The following KIAA1549L variants were observed in gnomAD, a reference collection of about 807,000 sequenced individuals.
KIAA1549L encodes KIAA1549 like.
Under a neutral mutation model 160.7 loss-of-function variants are expected in KIAA1549L, and 88 were observed. The observed-to-expected ratio is 0.55, with a 90% CI of 0.46 to 0.65. KIAA1549L has a LOEUF of 0.65. KIAA1549L is among the 30% of genes least tolerant of loss of function. KIAA1549L has a pLI of 0.00. For missense variants in KIAA1549L, 2,258 were observed against 2,437.5 expected (o/e 0.93, Z 1.55); for synonymous variants, 950 against 976.7 (o/e 0.97, Z 0.51).
intron 19 of KIAA1549L, 64 bp from the exon 20 acceptor site, chr11:33,660,799 T>C (rs1590459484): frequency 6.5e-7 from 1 of 1,538,924 alleles, no homozygotes; most frequent in Non-Finnish European, 8.9e-7. Flanking sequence ...TATTTGGCTC[T>C]TGGGTGGCTG....
intron 1 of KIAA1549L, among the ~76,000 whole-genome samples, chr11:33,413,095 A>G (rs1850815628): frequency 6.6e-6 from 1 of 152,108 alleles, no homozygotes; most frequent in Non-Finnish European, 1.5e-5. Flanking sequence ...CTGTACTTAA[A>G]AGCATTTTAC....
In KIAA1549L at chr11:33,630,669, C is replaced by T. The variant is rs886470779; in HGVS notation, c.5409+12007C>T. On this transcript the variant is annotated intron_variant, in intron 16 of 20. Coordinates refer to ENST00000658780, the MANE Select transcript of KIAA1549L (RefSeq NM_012194.3). ...CATGGTGCGTGCACCCAGTGACCTG[C>T]GCCCACTGTCTGGCACTCCCTAGTG... 1.9e-4 allele frequency among the ~76,000 whole-genome samples: 29 copies of T among 152,206 alleles called. 1 individual carries two copies. The highest frequency in any genetic ancestry group is 6.3e-4 in the African/African-American group (26 of 41,464).
chr11:33,666,541 A>G lies in KIAA1549L; in HGVS notation c.6160-1332A>G, dbSNP rs1310242917. 3.9e-5 allele frequency among the ~76,000 whole-genome samples: 6 copies of G among 152,180 alleles called. No individual in the cohort carries two copies. The East Asian group carries it at 9.7e-4, about 24-fold the overall frequency. ...TCTGTTGTCTGTGGGTGCTTATTCTATAGTGTTCCAATTAACATCATGGGG... is the reference window on the plus strand; with the variant it reads ...TCTGTTGTCTGTGGGTGCTTATTCTGTAGTGTTCCAATTAACATCATGGGG... On this transcript the variant is annotated intron_variant, in intron 20 of 20. Coordinates refer to ENST00000658780, the MANE Select transcript of KIAA1549L (RefSeq NM_012194.3).
intron 1 of KIAA1549L, among the ~76,000 whole-genome samples, chr11:33,448,779 A>G (rs1851665805): frequency 1.3e-5 from 2 of 152,210 alleles, no homozygotes; most frequent in Non-Finnish European, 1.5e-5. Flanking sequence ...CAAGTACTGC[A>G]TTTGTGAAAT....
In KIAA1549L at chr11:33,592,858, C is replaced by T. The variant is rs79991428; in HGVS notation, c.4751+1437C>T. On this transcript the variant is annotated intron_variant, in intron 12 of 20. Transcript: ENST00000658780. ...AAAGACCTGATTGAGGTATAAACCA[C>T]GAGGTTATCTGCAGGAGGAATGTAC... Among the ~76,000 whole-genome samples, 939 of 152,234 alleles carry T rather than the reference C, an allele frequency of 6.2e-3. 14 individuals are homozygous for T. The highest frequency in any genetic ancestry group is 0.021 in the African/African-American group (888 of 41,534).
intron 1 of KIAA1549L, among the ~76,000 whole-genome samples, chr11:33,499,082 G>A (rs2615939): frequency 0.72 from 109,263 of 151,898 alleles, 39,951 homozygotes; most frequent in African/African-American, 0.86. Context: ...TGAACAATTA[G>A]AATACAAATC....
chr11:33,659,759 G>GT (rs761719992), intron 19 of KIAA1549L, among the ~76,000 whole-genome samples: 2 of 152,236 alleles, frequency 1.3e-5, no homozygotes, highest in Non-Finnish European at 1.5e-5. Context: ...CCACCAAGGT[G>GT]TTATTTCCTC....
chr11:33,539,541 C>T (rs1590321672), intron 1 of KIAA1549L, among the ~76,000 whole-genome samples: 1 of 152,328 alleles, frequency 6.6e-6, no homozygotes, highest in East Asian at 1.9e-4. Context: ...GGGATGCAGG[C>T]TGGTGAACCA....
intron 1 of KIAA1549L, among the ~76,000 whole-genome samples, chr11:33,459,553 A>G (rs987194891): frequency 6.6e-6 from 1 of 152,174 alleles, no homozygotes; most frequent in Non-Finnish European, 1.5e-5. Context: ...TTGTCACTAT[A>G]AAAGGAGTGA....
chr11:33,645,886 C>T lies in KIAA1549L; in HGVS notation c.5610C>T (p.Ser1870=), dbSNP rs762030528. Residue 1870 remains serine (S), a synonymous_variant, in exon 17 of 21, where the codon AGC becomes AGT. Coordinates refer to ENST00000658780, the MANE Select transcript of KIAA1549L (RefSeq NM_012194.3). ...CATCCGCGGGCCACGCAGGCCAGAG[C>T]CGGCACCAAGAGGCCTACGGCTCAG... ...SLASAGHAGQ[S]RHQEAYGSAQ... 4.3e-6 allele frequency: 7 copies of T among 1,613,602 alleles called. No individual in the cohort carries two copies.
intron 1 of KIAA1549L, among the ~76,000 whole-genome samples, chr11:33,468,527 A>G (rs1468711458): frequency 2.0e-5 from 3 of 152,238 alleles, no homozygotes; most frequent in Non-Finnish European, 4.4e-5. Flanking sequence ...CTGCAGGTCT[A>G]TCACTGTCGA....
At chr11:33,552,653 AACACACACACACACACACAC>A (rs761358417) in intron 6 of KIAA1549L, among the ~76,000 whole-genome samples, 90 of 131,518 alleles carry the variant, frequency 6.8e-4, no homozygotes, top group African/African-American at 2.1e-3. Context: ...GACACATGCC[AACACACACACACACACACAC>A]ACACACACAC....
At chr11:33,425,931 A>G (rs1851107012) in intron 1 of KIAA1549L, among the ~76,000 whole-genome samples, 1 of 152,228 alleles carries the variant, frequency 6.6e-6, no homozygotes, top group African/African-American at 2.4e-5. Context: ...AATTAAGGGC[A>G]GTTCTACAAA....
At position 33,668,502 on chromosome 11, in the gene KIAA1549L, G is replaced by A. The variant is rs554660942; in HGVS notation, c.*348G>A. The stretch of plus-strand genomic sequence containing the variant: ...CAATGCCACATTTTAATAAATCACC[G>A]GAAGCGGGAGAATGTAGCTCTTATC... On this transcript the variant is annotated 3_prime_UTR_variant, in exon 21 of 21. Coordinates refer to ENST00000658780, the MANE Select transcript of KIAA1549L (RefSeq NM_012194.3). 2.9e-5 allele frequency: 9 copies of A among 312,248 alleles called. No individual in the cohort carries two copies. Among genetic ancestry groups the A allele is most frequent in the South Asian group, 1.8e-4 (4 of 21,798 alleles). The allele number at this position is 312,248 out of a possible 1,614,324, so 19.3% of individuals were successfully genotyped here.
chr11:33,529,917 T>C (rs1156384628), intron 1 of KIAA1549L, among the ~76,000 whole-genome samples: 2 of 152,148 alleles, frequency 1.3e-5, no homozygotes, highest in Non-Finnish European at 2.9e-5. Flanking sequence ...CATTTAGGCC[T>C]TTACAAAATG....
intron 1 of KIAA1549L, among the ~76,000 whole-genome samples, chr11:33,431,084 C>T (rs909478373): frequency 4.6e-5 from 7 of 151,998 alleles, no homozygotes; most frequent in Non-Finnish European, 8.8e-5. Flanking sequence ...GTGAGTGCTA[C>T]AGCTCTTAAG....
chr11:33,545,705 G>T (rs1335361932), intron 3 of KIAA1549L, among the ~76,000 whole-genome samples: 1 of 152,192 alleles, frequency 6.6e-6, no homozygotes, highest in African/African-American at 2.4e-5. Flanking sequence ...AGGAGAGAGG[G>T]CCTGATGTGG....
chr11:33,586,513 A>T (rs1343852426), intron 11 of KIAA1549L, among the ~76,000 whole-genome samples: 1 of 152,012 alleles, frequency 6.6e-6, no homozygotes, highest in Non-Finnish European at 1.5e-5. Context: ...CTGTCATTGG[A>T]TGTACAGCCA....
intron 1 of KIAA1549L, among the ~76,000 whole-genome samples, chr11:33,437,435 C>T (rs1005202077): frequency 5.3e-5 from 8 of 152,262 alleles, no homozygotes; most frequent in Admixed American, 3.9e-4. Context: ...AGCCCTGGAC[C>T]GGGAGGTGTC....
Sources: gnomAD v4.1 joint callset for allele counts (sites outside exome capture counted in the v4.1 genomes callset) on GRCh38, gnomAD v4.1.1 for gene constraint, MANE v1.5 for transcripts, NCBI Gene and HGNC (gene_info 2026-07-23, HGNC 2026-07-21) for gene names.